OPRL1: variants seen among roughly 807,000 people sequenced by gnomAD.
The protein encoded by OPRL1 is opioid related nociceptin receptor 1, also known as nociceptin receptor.
A neutral mutation model predicts 15.5 loss-of-function variants in OPRL1; 5 were observed. The observed-to-expected ratio is 0.32, with a 90% CI of 0.17 to 0.68. OPRL1 has a LOEUF of 0.68. OPRL1 is among the 30% of genes least tolerant of loss of function. The pLI is 0.72. For synonymous variants in OPRL1, 223 were observed against 230.2 expected (o/e 0.97, Z 0.28); for missense variants, 406 against 515.3 (o/e 0.79, Z 2.05).
chr20:64,081,097 TGAG>T (rs1436621165), intron 1 of OPRL1, among the ~76,000 whole-genome samples: 3 of 63,342 alleles, frequency 4.7e-5, no homozygotes, highest in Non-Finnish European at 9.9e-5. Context: ...GGGGGAGGGC[TGAG>T]GAGGGGAGGG....
intron 1 of OPRL1, among the ~76,000 whole-genome samples, chr20:64,081,348 A>G (rs1010372855): frequency 6.6e-6 from 1 of 152,222 alleles, no homozygotes; most frequent in Non-Finnish European, 1.5e-5. Flanking sequence ...AGGGAAGCTC[A>G]ACGAAGATGG....
rs2060007543 is a variant in OPRL1 at position 64,083,985 on chromosome 20, AG to A, written c.-185+3635del. Reference sequence around the variant, plus strand: ...CCCGGTTCCACCGACCCGCACGGGAAGGTGGAGGCCGCCGCGCCCACGTCCT... The same window carrying A: ...CCCGGTTCCACCGACCCGCACGGGAAGTGGAGGCCGCCGCGCCCACGTCCT... On this transcript the variant is annotated intron_variant, in intron 1 of 4. Transcript: ENST00000336866. The surrounding 1 kb of genome is among the most constrained non-coding windows in gnomAD (Gnocchi z 4.9). 6.8e-7 allele frequency: 1 copy of A among 1,478,238 alleles called. No individual in the cohort carries two copies. Among genetic ancestry groups the A allele is most frequent in the Non-Finnish European group, 8.9e-7 (1 of 1,122,712 alleles). The allele number at this position is 1,478,238 out of a possible 1,614,324, so 91.6% of individuals were successfully genotyped here.
chr20:64,085,350 G>A (rs1053026727), intron 1 of OPRL1, among the ~76,000 whole-genome samples: 2 of 152,170 alleles, frequency 1.3e-5, no homozygotes, highest in African/African-American at 4.8e-5. Flanking sequence ...GGATAATGGG[G>A]CAGAACTCAG....
At chr20:64,086,383 C>A in intron 1 of OPRL1, 1 of 166,034 alleles carries the variant, frequency 6.0e-6, no homozygotes, top group South Asian at 1.3e-4. Flanking sequence ...ACATTCCTCA[C>A]CCCTACTGTT....
intron 1 of OPRL1, among the ~76,000 whole-genome samples, chr20:64,091,404 C>T (rs1171211335): frequency 6.6e-6 from 1 of 152,234 alleles, no homozygotes; most frequent in Non-Finnish European, 1.5e-5. Context: ...CCCGTCTCTG[C>T]CACTGTGACA....
rs774114608 is a variant in OPRL1, at chr20:64,098,137, C to T, written c.569C>T (p.Ser190Leu). 1.4e-5 allele frequency: 23 copies of T among 1,612,994 alleles called. No individual in the cohort carries two copies. The highest frequency in any genetic ancestry group is 6.7e-5 in the Admixed American group (4 of 60,002). The change falls in exon 4 of 5, where the codon TCG becomes TTG. Residue 190 changes from serine (S) to leucine (L), a missense_variant. Coordinates refer to ENST00000336866, the MANE Select transcript of OPRL1 (RefSeq NM_182647.4). ...VVGVPVAIMG[S>L]AQVEDEEIEC... ...GGTGTTCCCGTTGCCATCATGGGCTCGGCACAGGTCGAGGATGAAGGTCAG... is the reference window on the plus strand; with the variant it reads ...GGTGTTCCCGTTGCCATCATGGGCTTGGCACAGGTCGAGGATGAAGGTCAG...
chr20:64,098,884 T>G lies in OPRL1; in HGVS notation c.*85T>G. ...AGAGCTCACACAGGTCACTGCTCTC[T>G]AGGCGGACACACCCTGGGCCCTGAG... On this transcript the variant is annotated 3_prime_UTR_variant, in exon 5 of 5. Transcript: ENST00000336866. The G allele has an allele frequency of 2.1e-5, 31 of 1,468,744 alleles. No individual in the cohort carries two copies. The highest frequency in any genetic ancestry group is 2.5e-5 in the Non-Finnish European group (28 of 1,109,012). 91.0% of individuals were successfully genotyped at this position (1,468,744 alleles called of 1,614,324 possible).
At chr20:64,085,171 C>G (rs990575392) in intron 1 of OPRL1, 1 of 152,338 alleles carries the variant, frequency 6.6e-6, no homozygotes, top group Non-Finnish European at 1.5e-5. Flanking sequence ...TCCAGGCGGC[C>G]GCAGACGCGC....
rs962975499 is a variant in OPRL1, at chr20:64,083,812, C to T, written c.-185+3460C>T. ...CCCCCTCTGCCCTCCGACCCCCTCGCCTCACCCGCATGCGGGTGTAGCGCA... is the reference window on the plus strand; with the variant it reads ...CCCCCTCTGCCCTCCGACCCCCTCGTCTCACCCGCATGCGGGTGTAGCGCA... On this transcript the variant is annotated intron_variant, in intron 1 of 4. Transcript: ENST00000336866. This position sits in a 1 kb window ranked among gnomAD's most constrained non-coding sequence, Gnocchi z 4.9. 3.1e-4 allele frequency: 417 copies of T among 1,355,870 alleles called. No homozygotes were observed. The highest frequency in any genetic ancestry group is 3.8e-4 in the Non-Finnish European group (403 of 1,060,708). The allele number at this position is 1,355,870 out of a possible 1,614,324, so 84.0% of individuals were successfully genotyped here.
rs1032773673 is a variant in OPRL1, at chr20:64,083,207, T to C, written c.-185+2855T>C. On this transcript the variant is annotated intron_variant, in intron 1 of 4. Transcript: ENST00000336866. This position sits in a 1 kb window ranked among gnomAD's most constrained non-coding sequence, Gnocchi z 4.9. ...GGCAGATCGGGATTAGGGGTAGGCG[T>C]GTCCCTGACCTGTTACTTTCACACC... Among the ~76,000 whole-genome samples the C allele has an allele frequency of 6.6e-6, 1 of 152,116 alleles. No individual in the cohort carries two copies. Among genetic ancestry groups the C allele is most frequent in the Non-Finnish European group, 1.5e-5 (1 of 68,004 alleles).
Position 64,097,852 on chromosome 20 carries a change from T to C in OPRL1, c.284T>C (p.Leu95Pro). The change falls in exon 4 of 5, where the codon CTG (leucine) becomes CCG (proline). Residue 95 changes from leucine (L) to proline (P), a missense_variant. Leu to Pro is a moderately conservative substitution (Grantham distance 98). Coordinates refer to ENST00000336866, the MANE Select transcript of OPRL1 (RefSeq NM_182647.4). This position sits in a 1 kb window ranked among gnomAD's most constrained non-coding sequence, Gnocchi z 4.2. ...ATNIYIFNLA[L>P]ADTLVLLTLP... ...AATATTTACATCTTTAACCTGGCCC[T>C]GGCCGACACTCTGGTCCTGCTGACG... 1 of 1,613,602 alleles carries C rather than the reference T, an allele frequency of 6.2e-7. No homozygotes were observed. The highest frequency in any genetic ancestry group is 8.5e-7 in the Non-Finnish European group (1 of 1,180,008).
At position 64,080,214 on chromosome 20, in the gene OPRL1, C is replaced by G. The variant is rs1424570959; in HGVS notation, c.-323C>G. On this transcript the variant is annotated 5_prime_UTR_variant, in exon 1 of 5. Transcript: ENST00000336866. ...GTAGATGGGGGTGTGGCCGTGGCCC[C>G]CGACTCTGCTCGGCGGGGCCGTTCC... is the stretch of plus-strand genomic sequence containing the variant. The G allele has an allele frequency of 6.6e-6, 1 of 152,342 alleles. No individual in the cohort carries two copies. The highest frequency in any genetic ancestry group is 1.5e-5 in the Non-Finnish European group (1 of 68,150). The allele number at this position is 152,342 out of a possible 1,614,324, so 9.4% of individuals were successfully genotyped here. A position where few individuals can be genotyped will look rare whatever the true frequency, so the allele number is the denominator to read the frequency against.
In OPRL1 at chr20:64,088,656, A is replaced by AGGGCAGGATCTGTGCAGAGT. The variant is rs1555939050; in HGVS notation, c.-184-3308_-184-3307insGCAGGATCTGTGCAGAGTGG. Among the ~76,000 whole-genome samples the AGGGCAGGATCTGTGCAGAGT allele has an allele frequency of 7.7e-3, 228 of 29,590 alleles. 26 individuals are homozygous for AGGGCAGGATCTGTGCAGAGT. The highest frequency in any genetic ancestry group is 8.9e-3 in the Non-Finnish European group (124 of 13,934). 19.4% of individuals were successfully genotyped at this position (29,590 alleles called of 152,430 possible). ...CAGAGTGGCCAGGATCTGTGCAGGG[A>AGGGCAGGATCTGTGCAGAGT]GGCCAGGATCTGTGCAGAGTGGCCA... is the stretch of plus-strand genomic sequence containing the variant. On this transcript the variant is annotated intron_variant, in intron 1 of 4. Transcript: ENST00000336866.
rs117765345 is a variant in OPRL1, at chr20:64,100,102, C to A, written c.*1303C>A. 1 of 103,864 alleles carries A rather than the reference C, an allele frequency of 9.6e-6. No individual in the cohort carries two copies. Among genetic ancestry groups the A allele is most frequent in the Admixed American group, 9.8e-5 (1 of 10,190 alleles). The allele number at this position is 103,864 out of a possible 1,614,324, so 6.4% of individuals were successfully genotyped here. A position where few individuals can be genotyped will look rare whatever the true frequency, so the allele number is the denominator to read the frequency against. ...GGCTGTGGTGGCTGTGAGGACACTG[C>A]GGGGGTTGGGGGGGGGGCGTCTGTA... On this transcript the variant is annotated 3_prime_UTR_variant, in exon 5 of 5. Coordinates refer to ENST00000336866, the MANE Select transcript of OPRL1 (RefSeq NM_182647.4).
chr20:64,092,860 C>CTT lies in OPRL1; in HGVS notation c.140_141insTT (p.Leu48SerfsTer36). The CTT allele has an allele frequency of 6.2e-7, 1 of 1,612,790 alleles. No homozygotes were observed. ...AATGCCAGCCACGGCGCCTTCCTGC[C>CTT]CCTCGGGCTCAAGGTCACCATCGTG... On this transcript the variant is annotated frameshift_variant, in exon 3 of 5. Coordinates refer to ENST00000336866, the MANE Select transcript of OPRL1 (RefSeq NM_182647.4). LOFTEE classifies it high-confidence loss of function.
At chr20:64,084,769 C>A (rs780804940) in intron 1 of OPRL1, among the ~76,000 whole-genome samples, 2 of 152,216 alleles carry the variant, frequency 1.3e-5, no homozygotes, top group African/African-American at 2.4e-5. Flanking sequence ...CCGGCCCCAG[C>A]CTACAGCTGC....
At chr20:64,091,408 T>C (rs1017415648) in intron 1 of OPRL1, among the ~76,000 whole-genome samples, 2 of 152,230 alleles carry the variant, frequency 1.3e-5, no homozygotes, top group African/African-American at 2.4e-5. Flanking sequence ...TCTCTGCCAC[T>C]GTGACAGGTG....
rs529543729 is a variant in OPRL1 at position 64,100,481 on chromosome 20, C to T, written c.*1682C>T. 2.6e-5 allele frequency: 4 copies of T among 152,318 alleles called. No individual in the cohort carries two copies. Among genetic ancestry groups the T allele is most frequent in the African/African-American group, 7.2e-5 (3 of 41,548 alleles). 9.4% of individuals were successfully genotyped at this position (152,318 alleles called of 1,614,324 possible). On this transcript the variant is annotated 3_prime_UTR_variant, in exon 5 of 5. Coordinates refer to ENST00000336866, the MANE Select transcript of OPRL1 (RefSeq NM_182647.4). Reference sequence around the variant, plus strand: ...CCTAGCTACAGTTTTCTTGCCAAGGCGAGGTGTTTTGTGAATCTGTGCTGA... The same window carrying T: ...CCTAGCTACAGTTTTCTTGCCAAGGTGAGGTGTTTTGTGAATCTGTGCTGA...
chr20:64,095,490 G>T (rs1979016337), intron 3 of OPRL1, among the ~76,000 whole-genome samples: 1 of 151,520 alleles, frequency 6.6e-6, no homozygotes, highest in South Asian at 2.1e-4. Context: ...AGGGTTTTCT[G>T]GGCAGAGGAA....
Sources: gnomAD v4.1 joint callset for allele counts (sites outside exome capture counted in the v4.1 genomes callset) on GRCh38, gnomAD v4.1.1 for gene constraint, Gnocchi (gnomAD v3.1) non-coding constraint, MANE v1.5 for transcripts, NCBI Gene and HGNC (gene_info 2026-07-23, HGNC 2026-07-21) for gene names.